The following ABTB3 variants were observed in gnomAD, a reference collection of about 807,000 sequenced individuals.
The protein encoded by ABTB3 is ankyrin repeat and BTB domain containing 3, also known as ankyrin repeat- and BTB/POZ domain-containing protein 3.
chr12:107,620,142 T>C, the ABTB3 span: 102 of 1,613,978 alleles, frequency 6.3e-5, no homozygotes, highest in Non-Finnish European at 8.4e-5. Context: ...CCCCTGATGT[T>C]TGAGATCCTG....
At chr12:107,376,646 C>T in the ABTB3 span, among the ~76,000 whole-genome samples, 11 of 151,564 alleles carry the variant, frequency 7.3e-5, no homozygotes, top group Non-Finnish European at 1.0e-4. Flanking sequence ...CCTTAACTCC[C>T]GGGGTGCAAT....
the ABTB3 span, among the ~76,000 whole-genome samples, chr12:107,417,593 G>C: frequency 7.8e-4 from 119 of 152,174 alleles, 1 homozygote; most frequent in Non-Finnish European, 4.3e-4. Context: ...CTGTGCTTTG[G>C]TGGTTTTAGC....
At chr12:107,319,357 G>T in the ABTB3 span, 7 of 1,561,246 alleles carry the variant, frequency 4.5e-6, no homozygotes, top group East Asian at 2.4e-5. Context: ...TGAGCCGGGC[G>T]CTGGTGCGCA....
chr12:107,320,521 A>G, the ABTB3 span: 2 of 385,368 alleles, frequency 5.2e-6, no homozygotes, highest in South Asian at 3.2e-5. Flanking sequence ...TCCGCAATCC[A>G]GTGCTCCCAC....
At chr12:107,603,985 T>C in the ABTB3 span, among the ~76,000 whole-genome samples, 6 of 151,762 alleles carry the variant, frequency 4.0e-5, no homozygotes, top group African/African-American at 1.2e-4. Flanking sequence ...CTGGCTAACA[T>C]AGTGAAACCC....
chr12:107,516,620 G>A, the ABTB3 span, among the ~76,000 whole-genome samples: 2 of 152,164 alleles, frequency 1.3e-5, no homozygotes, highest in African/African-American at 4.8e-5. Flanking sequence ...TAGATGTGAA[G>A]GTGAAATATT....
the ABTB3 span, chr12:107,612,807 G>A: frequency 7.0e-5 from 113 of 1,613,700 alleles, no homozygotes; most frequent in Non-Finnish European, 8.1e-5. Context: ...GTATGCCTGC[G>A]TCCGTGGGGA....
At chr12:107,566,413 T>A in the ABTB3 span, among the ~76,000 whole-genome samples, 1 of 152,200 alleles carries the variant, frequency 6.6e-6, no homozygotes, top group Non-Finnish European at 1.5e-5. Context: ...TATAACCAAT[T>A]TAACTCTGAA....
the ABTB3 span, among the ~76,000 whole-genome samples, chr12:107,469,950 T>C: frequency 0.039 from 1,752 of 44,494 alleles, 129 homozygotes; most frequent in African/African-American, 0.084. Flanking sequence ...TTCTCTTTCT[T>C]TCTTTCTTTC....
At chr12:107,325,784 C>A in the ABTB3 span, among the ~76,000 whole-genome samples, 1 of 152,194 alleles carries the variant, frequency 6.6e-6, no homozygotes, top group Non-Finnish European at 1.5e-5. Flanking sequence ...CACCTGTAAG[C>A]TGCAGTTTCC....
chr12:107,378,173 C>T, the ABTB3 span, among the ~76,000 whole-genome samples: 1 of 152,210 alleles, frequency 6.6e-6, no homozygotes, highest in East Asian at 1.9e-4. Context: ...ACTTGTGACT[C>T]AACCTTGGGC....
chr12:107,345,670 C>T, the ABTB3 span, among the ~76,000 whole-genome samples: 1 of 152,032 alleles, frequency 6.6e-6, no homozygotes, highest in South Asian at 2.1e-4. Flanking sequence ...ACTGAATTCC[C>T]CAAAGGAAAA....
At chr12:107,559,455 C>G in the ABTB3 span, among the ~76,000 whole-genome samples, 1 of 152,204 alleles carries the variant, frequency 6.6e-6, no homozygotes, top group Non-Finnish European at 1.5e-5. Context: ...TGGCAGGAAC[C>G]AATGGAAGCC....
At chr12:107,637,410 AT>A in the ABTB3 span, among the ~76,000 whole-genome samples, 11 of 152,094 alleles carry the variant, frequency 7.2e-5, no homozygotes, top group African/African-American at 1.7e-4. Flanking sequence ...TAAAAAAAAA[AT>A]GTTTTTAAGT....
At chr12:107,392,158 C>T in the ABTB3 span, among the ~76,000 whole-genome samples, 9,577 of 152,278 alleles carry the variant, frequency 0.063, 369 homozygotes, top group Middle Eastern at 0.13. Context: ...CCCACCATGA[C>T]AAGGAGATGC....
At chr12:107,508,546 C>T in the ABTB3 span, among the ~76,000 whole-genome samples, 2 of 148,020 alleles carry the variant, frequency 1.4e-5, no homozygotes, top group East Asian at 4.1e-4. Context: ...CCTCCACCTC[C>T]GGGGTTCAAG....
the ABTB3 span, among the ~76,000 whole-genome samples, chr12:107,508,095 GAT>G: frequency 6.9e-6 from 1 of 143,944 alleles, no homozygotes; most frequent in African/African-American, 2.9e-5. Context: ...TGGATGGATG[GAT>G]GGATGGATGG....
the ABTB3 span, among the ~76,000 whole-genome samples, chr12:107,551,553 A>G: frequency 4.1e-3 from 623 of 152,312 alleles, 9 homozygotes; most frequent in Non-Finnish European, 5.5e-3. Context: ...CTGCTGATAA[A>G]TCTGGCCCAC....
chr12:107,419,487 A>G, the ABTB3 span, among the ~76,000 whole-genome samples: 67 of 151,602 alleles, frequency 4.4e-4, no homozygotes, highest in African/African-American at 1.5e-3. Context: ...ATTCTCTCCA[A>G]CCCCTAATAT....
Sources: allele counts gnomAD v4.1 joint callset (sites outside exome capture counted in the v4.1 genomes callset), GRCh38; gene constraint gnomAD v4.1.1; transcripts MANE v1.5; gene names NCBI Gene and HGNC (gene_info 2026-07-23, HGNC 2026-07-21).